Variants in ASRGL1 observed in about 807,000 individuals in gnomAD.
ASRGL1 encodes the protein isoaspartyl peptidase/L-asparaginase.
In ASRGL1, 16 loss-of-function variants were observed where a neutral mutation model predicts 22.4. The observed-to-expected ratio is 0.71, with a 90% CI of 0.48 to 1.08. The LOEUF is 1.08. Ranked by LOEUF, ASRGL1 falls within the 50% of genes least tolerant of loss-of-function variation. ASRGL1 has a pLI of 0.00. For missense variants in ASRGL1, 412 were observed against 410.1 expected, an observed-to-expected ratio of 1.00 and a Z score of -0.04; for synonymous variants, 165 against 159.3, an observed-to-expected ratio of 1.04 and a Z score of -0.27.
intron 4 of ASRGL1, chr11:62,383,381 A>ACTGCCTGAGC (rs1234996193): frequency 4.6e-5 from 7 of 151,306 alleles, no homozygotes; most frequent in African/African-American, 1.5e-4. Context: ...AGGCGGGCGG[A>ACTGCCTGAGC]TCACGAGGTC....
intron 4 of ASRGL1, among the ~76,000 whole-genome samples, chr11:62,369,101 A>G (rs1298710413): frequency 6.6e-6 from 1 of 152,090 alleles, no homozygotes; most frequent in Non-Finnish European, 1.5e-5. Context: ...AGGCTATCAC[A>G]TGGGGAGAAA....
At chr11:62,387,059 A>ATTTT (rs55647741) in intron 4 of ASRGL1, among the ~76,000 whole-genome samples, 42 of 143,702 alleles carry the variant, frequency 2.9e-4, no homozygotes, top group African/African-American at 9.5e-4. Flanking sequence ...CACTTAGCTA[A>ATTTT]TTTTTTTTTT....
At chr11:62,379,513 A>G (rs1355936626) in intron 4 of ASRGL1, among the ~76,000 whole-genome samples, 1 of 152,120 alleles carries the variant, frequency 6.6e-6, no homozygotes. Context: ...GCTAATAACC[A>G]ATTGAATTTC....
downstream of ASRGL1, among the ~76,000 whole-genome samples, chr11:62,394,175 CATATAA>C (rs1565178927): frequency 2.3e-5 from 3 of 131,512 alleles, no homozygotes; most frequent in Non-Finnish European, 4.7e-5. Context: ...TATTATATAT[CATATAA>C]ATATATATAC....
chr11:62,366,051 G>A (rs1462917304), intron 4 of ASRGL1, among the ~76,000 whole-genome samples: 1 of 146,826 alleles, frequency 6.8e-6, no homozygotes, highest in African/African-American at 2.5e-5. Context: ...CCCGAGCTCA[G>A]GAGTTGAAGA....
rs868138394 is a variant in ASRGL1 at position 62,362,670 on chromosome 11, A to G, written c.491+5526A>G. Among the ~76,000 whole-genome samples, 24 of 33,414 alleles carry G rather than the reference A, an allele frequency of 7.2e-4. 2 individuals carry two copies. The East Asian group carries it at 9.1e-3, about 13-fold the overall frequency. 21.9% of individuals were successfully genotyped at this position (33,414 alleles called of 152,430 possible). On this transcript the variant is annotated intron_variant, in intron 4 of 6. Coordinates refer to ENST00000415229, the MANE Select transcript of ASRGL1 (RefSeq NM_001083926.2). ...TAATATATATTATATAAAATATATA[A>G]TATATATTATATAAAATATATATTA... is the stretch of plus-strand genomic sequence containing the variant.
intron 4 of ASRGL1, among the ~76,000 whole-genome samples, chr11:62,375,972 C>A (rs887566531): frequency 6.6e-6 from 1 of 151,750 alleles, no homozygotes; most frequent in Non-Finnish European, 1.5e-5. Flanking sequence ...CGTGGTGGCA[C>A]GCGCCTGTAA....
At chr11:62,393,830 T>G (rs1947393596), downstream of ASRGL1, among the ~76,000 whole-genome samples, 1 of 151,798 alleles carries the variant, frequency 6.6e-6, no homozygotes, top group African/African-American at 2.4e-5. Context: ...AAGTCCAAGA[T>G]CAAGGTGTCG....
Position 62,372,204 on chromosome 11 carries a change from G to A in ASRGL1, c.491+15060G>A, listed in dbSNP as rs145723532. The A allele has an allele frequency of 1.6e-5, 19 of 1,155,970 alleles. No individual in the cohort carries two copies. The East Asian group carries it at 2.1e-4, about 13-fold the overall frequency. 71.6% of individuals were successfully genotyped at this position (1,155,970 alleles called of 1,614,324 possible). On this transcript the variant is annotated intron_variant, in intron 4 of 6. Coordinates refer to ENST00000415229, the MANE Select transcript of ASRGL1 (RefSeq NM_001083926.2). ...GTAGAAGCCCCCAGACTCACCGAGG[G>A]TCTCAGCCACGAAGTGATTGTGTGC...
intron 2 of ASRGL1, among the ~76,000 whole-genome samples, chr11:62,345,819 G>A (rs565039634): frequency 1.5e-3 from 222 of 152,256 alleles, no homozygotes; most frequent in Non-Finnish European, 2.1e-3. Flanking sequence ...AGAGACTCTC[G>A]CAGGCACAGT....
At chr11:62,377,854 G>T (rs766609724) in intron 4 of ASRGL1, among the ~76,000 whole-genome samples, 4 of 152,190 alleles carry the variant, frequency 2.6e-5, no homozygotes, top group Non-Finnish European at 5.9e-5. Flanking sequence ...AGGAAGGAAT[G>T]ACCACTCCAC....
intron 4 of ASRGL1, among the ~76,000 whole-genome samples, chr11:62,379,075 A>AGTTG (rs1947001502): frequency 6.6e-6 from 1 of 152,172 alleles, no homozygotes; most frequent in East Asian, 1.9e-4. Context: ...AATAAATCTC[A>AGTTG]ACCCCACAGA....
chr11:62,374,942 C>A (rs972172988), intron 4 of ASRGL1, among the ~76,000 whole-genome samples: 2 of 152,134 alleles, frequency 1.3e-5, no homozygotes, highest in Admixed American at 1.3e-4. Context: ...GGCACCTGTG[C>A]TCCTGGAACC....
At chr11:62,339,504 A>G (rs1261902840) in intron 2 of ASRGL1, among the ~76,000 whole-genome samples, 2 of 152,222 alleles carry the variant, frequency 1.3e-5, no homozygotes, top group African/African-American at 4.8e-5. Flanking sequence ...ACTAATCATT[A>G]TAGCTAATAT....
At chr11:62,391,721 A>T in intron 6 of ASRGL1, 89 bp downstream of exon 6, 1 of 1,447,808 alleles carries the variant, frequency 6.9e-7, no homozygotes, top group Non-Finnish European at 9.2e-7. Flanking sequence ...AAGTGTAGGA[A>T]ACCCTTTCCT....
At position 62,370,747 on chromosome 11, in the gene ASRGL1, A is replaced by C. The variant is rs190099543; in HGVS notation, c.491+13603A>C. 3.1e-3 allele frequency among the ~76,000 whole-genome samples: 467 copies of C among 152,182 alleles called. 2 individuals carry two copies. Among genetic ancestry groups the C allele is most frequent in the African/African-American group, 0.01 (432 of 41,476 alleles). ...TCTGAATTCATCATTTTGTAATATC[A>C]CCGCACTATTGGCCACACATTCTTC... On this transcript the variant is annotated intron_variant, in intron 4 of 6. Coordinates refer to ENST00000415229, the MANE Select transcript of ASRGL1 (RefSeq NM_001083926.2).
chr11:62,371,361 A>G, intron 4 of ASRGL1: 2 of 833,382 alleles, frequency 2.4e-6, no homozygotes, highest in Non-Finnish European at 3.5e-6. Context: ...CTGTGGCAGC[A>G]GGCAAGGTGG....
At position 62,376,056 on chromosome 11, in the gene ASRGL1, C is replaced by T. The variant is rs539802886; in HGVS notation, c.492-13077C>T. Among the ~76,000 whole-genome samples the T allele has an allele frequency of 4.2e-5, 6 of 141,604 alleles. No individual in the cohort carries two copies. The South Asian group carries it at 9.0e-4, about 21-fold the overall frequency. 92.9% of individuals were successfully genotyped at this position (141,604 alleles called of 152,430 possible). ...AGTGGAGGTTGCCATGAGCTGAGAT[C>T]GCACCACTGCACTCCAGCCTGGTGA... On this transcript the variant is annotated intron_variant, in intron 4 of 6. Coordinates refer to ENST00000415229, the MANE Select transcript of ASRGL1 (RefSeq NM_001083926.2).
At chr11:62,361,522 T>A (rs895923905) in intron 4 of ASRGL1, among the ~76,000 whole-genome samples, 1 of 148,244 alleles carries the variant, frequency 6.7e-6, no homozygotes, top group Admixed American at 6.8e-5. Context: ...AGAATCTTGT[T>A]CTGTCAACAG....
Sources: gnomAD v4.1 joint callset for allele counts (sites outside exome capture counted in the v4.1 genomes callset) on GRCh38, gnomAD v4.1.1 for gene constraint, MANE v1.5 for transcripts, NCBI Gene and HGNC (gene_info 2026-07-23, HGNC 2026-07-21) for gene names.